Variants in FSIP2 observed in about 807,000 individuals in gnomAD.
The protein encoded by FSIP2 is fibrous sheath-interacting protein 2.
A neutral mutation model predicts 510.5 loss-of-function variants in FSIP2; 367 were observed. The observed-to-expected ratio is 0.72, with a 90% CI of 0.66 to 0.78. The LOEUF is 0.78. Among genes scored for constraint, FSIP2 ranks in the 30% least tolerant of loss-of-function variants. FSIP2 has a pLI of 0.00. For synonymous variants in FSIP2, 2,601 were observed against 2,732.2 expected, an observed-to-expected ratio of 0.95 and a Z score of 1.50; for missense variants, 7,594 against 7,901.7, an observed-to-expected ratio of 0.96 and a Z score of 1.48.
intron 20 of FSIP2, 30 bp from the exon 21 acceptor site, chr2:185,828,126 A>AT: frequency 7.7e-7 from 1 of 1,299,000 alleles, no homozygotes; most frequent in Non-Finnish European, 1.1e-6. Flanking sequence ...GAAAGAGACT[A>AT]TTTTACTTTT....
chr2:185,831,464 CT>C (rs1313508538), intron 21 of FSIP2, among the ~76,000 whole-genome samples: 1 of 151,828 alleles, frequency 6.6e-6, no homozygotes, highest in Non-Finnish European at 1.5e-5. Flanking sequence ...ATTATTACAT[CT>C]TTTTTCAGAA....
Position 185,808,209 on chromosome 2 carries a change from A to G in FSIP2, c.18903A>G (p.Gln6301=), listed in dbSNP as rs1693634039. Residue 6301 remains glutamine, a synonymous_variant, in exon 17 of 23, where the codon CAA becomes CAG. Transcript: ENST00000424728. ...NAISNSEFQP[Q]VEEEVSNSEL... is the part of the protein sequence containing the mutation. ...TTTCGAATTCTGAATTTCAACCTCA[A>G]GTAGAGGAAGAAGTATCAAATTCAG... is the stretch of plus-strand genomic sequence containing the variant. The G allele has an allele frequency of 1.2e-6, 2 of 1,610,992 alleles. No individual in the cohort carries two copies. Among genetic ancestry groups the G allele is most frequent in the African/African-American group, 2.7e-5 (2 of 74,752 alleles).
chr2:185,777,362 A>T (rs1438943247), intron 13 of FSIP2, among the ~76,000 whole-genome samples: 1 of 149,458 alleles, frequency 6.7e-6, no homozygotes, highest in Non-Finnish European at 1.5e-5. Context: ...AATAAAATTT[A>T]GTTACTTCCT....
At chr2:185,809,502 A>G (rs1234629832) in intron 17 of FSIP2, among the ~76,000 whole-genome samples, 2 of 152,114 alleles carry the variant, frequency 1.3e-5, no homozygotes, top group African/African-American at 4.8e-5. Flanking sequence ...CGTTATGGAT[A>G]TCTAAAGGTG....
chr2:185,824,036 C>A (rs1397227840), intron 19 of FSIP2, among the ~76,000 whole-genome samples: 1 of 151,614 alleles, frequency 6.6e-6, no homozygotes. Flanking sequence ...TAGTCAAAAT[C>A]ATAGAGACAG....
chr2:185,791,706 G>A lies in FSIP2; in HGVS notation c.4570G>A (p.Ala1524Thr). 2 of 1,534,358 alleles carry A rather than the reference G, an allele frequency of 1.3e-6. No homozygotes were observed. The highest frequency in any genetic ancestry group is 1.7e-6 in the Non-Finnish European group (2 of 1,145,598). ...ESLDIDNPSF[A>T]SIIEKMAKST... is the part of the protein sequence containing the mutation. ...TCTTGACATTGACAACCCATCATTTGCTTCAATTATTGAGAAAATGGCCAA... is the reference window on the plus strand; with the variant it reads ...TCTTGACATTGACAACCCATCATTTACTTCAATTATTGAGAAAATGGCCAA... The change falls in exon 16 of 23, where the codon GCT (alanine) becomes ACT (threonine). Residue 1524 changes from alanine (A) to threonine (T), a missense_variant. Coordinates refer to ENST00000424728, the MANE Select transcript of FSIP2 (RefSeq NM_173651.4).
intron 13 of FSIP2, 28 bp from the exon 14 acceptor site, chr2:185,782,677 T>A: frequency 7.3e-7 from 1 of 1,375,012 alleles, no homozygotes. Context: ...GGATACAAAC[T>A]ATGTAATTTT....
At position 185,800,143 on chromosome 2, in the gene FSIP2, C is replaced by G. The variant is rs757312223; in HGVS notation, c.10837C>G (p.His3613Asp). ...TCAGGATCTCTTAGTAGGAGTGATT[C>G]ATGTACTGTCCAAAGAAATAGAAGT... The part of the protein sequence containing the change: ...LFQDLLVGVI[H>D]VLSKEIEVDY... Residue 3613 changes from histidine to aspartate, a missense_variant, in exon 17 of 23, where the codon CAT becomes GAT. By Grantham distance (81) the His-to-Asp change is moderately conservative. Transcript: ENST00000424728. 100 of 1,533,726 alleles carry G rather than the reference C, an allele frequency of 6.5e-5. 1 individual carries two copies. The highest frequency in any genetic ancestry group is 7.4e-5 in the Non-Finnish European group (85 of 1,145,512).
Position 185,744,358 on chromosome 2 carries a change from C to A in FSIP2, c.424C>A (p.Gln142Lys). The A allele has an allele frequency of 7.9e-7, 1 of 1,258,056 alleles. No homozygotes were observed. Among genetic ancestry groups the A allele is most frequent in the Non-Finnish European group, 1.0e-6 (1 of 958,896 alleles). 77.9% of individuals were successfully genotyped at this position (1,258,056 alleles called of 1,614,324 possible). A position where few individuals can be genotyped will look rare whatever the true frequency, so the allele number is the denominator to read the frequency against. Residue 142 changes from glutamine (Q) to lysine (K), a missense_variant, in exon 4 of 23, where the codon CAA (glutamine) becomes AAA (lysine). Physicochemically the swap from Gln to Lys is moderately conservative, Grantham distance 53. Transcript: ENST00000424728. Reference protein sequence around the residue: ...CTLRELNKYRQYLTSLKLDFE... With the variant: ...CTLRELNKYRKYLTSLKLDFE... ...CTTGAGAGAATTGAATAAGTACAGG[C>A]AATATCTTACCAGTTTAAAATTAGA...
Position 185,805,475 on chromosome 2 carries a change from C to T in FSIP2, c.16169C>T (p.Ser5390Phe). 1 of 1,611,414 alleles carries T rather than the reference C, an allele frequency of 6.2e-7. No homozygotes were observed. Reference protein sequence around the residue: ...MIAALTQKAISAFRIQPLFSG... With the variant: ...MIAALTQKAIFAFRIQPLFSG... The stretch of plus-strand genomic sequence containing the variant: ...GCTGCTCTAACCCAGAAGGCAATAT[C>T]TGCATTCAGGATTCAACCACTTTTT... Residue 5390 changes from serine to phenylalanine, a missense_variant, in exon 17 of 23, where the codon TCT (serine) becomes TTT (phenylalanine). Ser to Phe is a radical substitution (Grantham distance 155). Transcript: ENST00000424728.
At chr2:185,815,701 T>C (rs191950571) in intron 19 of FSIP2, among the ~76,000 whole-genome samples, 4 of 152,114 alleles carry the variant, frequency 2.6e-5, no homozygotes, top group Admixed American at 1.3e-4. Context: ...AACCAGTTTC[T>C]AGTGTATCAG....
rs1465524525 is a variant in FSIP2, at chr2:185,791,382, C to T, written c.4246C>T (p.His1416Tyr). The part of the protein sequence containing the change: ...HKYLATPCTH[H>Y]SVNGGNHIKE... Reference sequence around the variant, plus strand: ...ATATTTGGCTACTCCTTGTACTCACCACAGTGTCAATGGTGGAAACCATAT... The same window carrying T: ...ATATTTGGCTACTCCTTGTACTCACTACAGTGTCAATGGTGGAAACCATAT... Residue 1416 changes from histidine to tyrosine, a missense_variant, in exon 16 of 23, where the codon CAC becomes TAC. His to Tyr is a moderately conservative substitution (Grantham distance 83). Transcript: ENST00000424728. 2.0e-6 allele frequency: 3 copies of T among 1,534,000 alleles called. No homozygotes were observed. Among genetic ancestry groups the T allele is most frequent in the Non-Finnish European group, 2.6e-6 (3 of 1,145,542 alleles).
chr2:185,802,974 T>C lies in FSIP2; in HGVS notation c.13668T>C (p.Gly4556=). ...SVFANVVQTS[G]SQESAVQNIT... ...TTGCAAATGTTGTGCAAACCTCTGG[T>C]TCTCAAGAATCAGCTGTGCAAAATA... is the stretch of plus-strand genomic sequence containing the variant. The change falls in exon 17 of 23, where the codon GGT becomes GGC. Residue 4556 remains glycine (G), a synonymous_variant. Transcript: ENST00000424728. The C allele has an allele frequency of 6.5e-7, 1 of 1,530,642 alleles. No individual in the cohort carries two copies. The highest frequency in any genetic ancestry group is 1.2e-5 in the South Asian group (1 of 83,212). 94.8% of individuals were successfully genotyped at this position (1,530,642 alleles called of 1,614,324 possible).
At position 185,823,906 on chromosome 2, in the gene FSIP2, A is replaced by T. The variant is rs181058385; in HGVS notation, c.20427-528A>T. 5.7e-4 allele frequency among the ~76,000 whole-genome samples: 87 copies of T among 151,930 alleles called. 1 individual carries two copies. Among genetic ancestry groups the T allele is most frequent in the Non-Finnish European group, 1.1e-3 (74 of 67,806 alleles). ...AATGGAATGTTATTCAGCCTTAAAAAAGGAAGGATATTATGACACATACTA... is the reference window on the plus strand; with the variant it reads ...AATGGAATGTTATTCAGCCTTAAAATAGGAAGGATATTATGACACATACTA... On this transcript the variant is annotated intron_variant, in intron 19 of 22. Coordinates refer to ENST00000424728, the MANE Select transcript of FSIP2 (RefSeq NM_173651.4).
Position 185,800,080 on chromosome 2 carries a change from T to C in FSIP2, c.10774T>C (p.Cys3592Arg). 6.5e-7 allele frequency: 1 copy of C among 1,532,892 alleles called. No individual in the cohort carries two copies. The highest frequency in any genetic ancestry group is 8.7e-7 in the Non-Finnish European group (1 of 1,144,542). 95.0% of individuals were successfully genotyped at this position (1,532,892 alleles called of 1,614,324 possible). ...MVAIPTKYTY[C>R]PGIVSGGFDD... ...TGCCATACCTACAAAATACACTTACTGTCCAGGAATAGTTTCTGGTGGCTT... is the reference window on the plus strand; with the variant it reads ...TGCCATACCTACAAAATACACTTACCGTCCAGGAATAGTTTCTGGTGGCTT... Residue 3592 changes from cysteine (C) to arginine (R), a missense_variant, in exon 17 of 23, where the codon TGT becomes CGT. Transcript: ENST00000424728.
In FSIP2 at chr2:185,753,816, A is replaced by C. The variant is rs1161158407; in HGVS notation, c.965A>C (p.Lys322Thr). ...GAAGATATAGGAAAAAATACATTTA[A>C]ATACAGAGGTCAAGATGGAACACAT... ...NGEDIGKNTF[K>T]YRGQDGTHAS... is the part of the protein sequence containing the mutation. Residue 322 changes from lysine to threonine, a missense_variant, in exon 8 of 23, where the codon AAA becomes ACA. Physicochemically the swap from Lys to Thr is moderately conservative, Grantham distance 78 (BLOSUM62 -1). Coordinates refer to ENST00000424728, the MANE Select transcript of FSIP2 (RefSeq NM_173651.4). The C allele has an allele frequency of 6.7e-7, 1 of 1,490,054 alleles. No homozygotes were observed. The highest frequency in any genetic ancestry group is 8.9e-7 in the Non-Finnish European group (1 of 1,123,342). The allele number at this position is 1,490,054 out of a possible 1,614,324, so 92.3% of individuals were successfully genotyped here.
intron 14 of FSIP2, among the ~76,000 whole-genome samples, chr2:185,785,794 G>A (rs765477142): frequency 6.6e-6 from 1 of 151,906 alleles, no homozygotes; most frequent in East Asian, 1.9e-4. Context: ...TCCTACTGTG[G>A]AATATGGGGA....
At chr2:185,758,328 G>A (rs887498044) in intron 9 of FSIP2, among the ~76,000 whole-genome samples, 1 of 150,884 alleles carries the variant, frequency 6.6e-6, no homozygotes, top group Non-Finnish European at 1.5e-5. Context: ...GTTGAAGTAC[G>A]GACCCCTTGC....
At chr2:185,762,627 T>C (rs1212635065) in intron 11 of FSIP2, among the ~76,000 whole-genome samples, 2 of 151,380 alleles carry the variant, frequency 1.3e-5, no homozygotes, top group African/African-American at 4.8e-5. Flanking sequence ...CTTTTATATT[T>C]TGTATCTAAA....
Sources: gnomAD v4.1 joint callset for allele counts (sites outside exome capture counted in the v4.1 genomes callset) on GRCh38, gnomAD v4.1.1 for gene constraint, MANE v1.5 for transcripts, NCBI Gene and HGNC (gene_info 2026-07-23, HGNC 2026-07-21) for gene names.